Variants in CRACDL observed in about 807,000 individuals in gnomAD.
The protein encoded by CRACDL is CRACD like.
In CRACDL, 26 loss-of-function variants were observed where a neutral mutation model predicts 70.6. The ratio of observed to expected loss-of-function variants is 0.37; its 90% CI spans 0.27 to 0.51. CRACDL has a LOEUF of 0.51. Ranked by LOEUF, CRACDL falls within the 20% of genes least tolerant of loss-of-function variation. The pLI, the probability that CRACDL is intolerant of heterozygous loss-of-function variation, is 0.94. For synonymous variants in CRACDL, 618 were observed against 615.2 expected (o/e 1.00, Z -0.07); for missense variants, 1,283 against 1,376.9 (o/e 0.93, Z 1.08).
intron 7 of CRACDL, among the ~76,000 whole-genome samples, chr2:98,815,163 A>T (rs533139724): frequency 6.6e-5 from 10 of 152,248 alleles, no homozygotes; most frequent in African/African-American, 2.4e-4. Context: ...TAACATTTGA[A>T]TCCTCTCAGG....
intron 7 of CRACDL, among the ~76,000 whole-genome samples, chr2:98,821,645 T>G (rs1367302946): frequency 2.0e-5 from 3 of 152,244 alleles, no homozygotes; most frequent in Non-Finnish European, 4.4e-5. Flanking sequence ...CGAATTCATG[T>G]TGGGCCACAT....
At position 98,823,148 on chromosome 2, in the gene CRACDL, C is replaced by A; in HGVS notation, c.1125G>T (p.Ala375=). The A allele has an allele frequency of 6.4e-7, 1 of 1,554,426 alleles. No homozygotes were observed. Among genetic ancestry groups the A allele is most frequent in the Non-Finnish European group, 8.7e-7 (1 of 1,153,886 alleles). The stretch of plus-strand genomic sequence containing the variant: ...CCGGGGCACACGGGCCTGCGGGGGG[C>A]GCCTCCCCATCCTGCTTTCCGCCGT... ...GPDGGKQDGE[A]PPAGPCAPAT... is the part of the protein sequence containing the mutation. The change falls in exon 7 of 10, where the codon GCG becomes GCT. Residue 375 remains alanine (A), a synonymous_variant. Coordinates refer to ENST00000397899, the MANE Select transcript of CRACDL (RefSeq NM_207362.3). This position sits in a 1 kb window ranked among gnomAD's most constrained non-coding sequence, Gnocchi z 4.0.
chr2:98,901,907 C>A (rs966248834), intron 1 of CRACDL, among the ~76,000 whole-genome samples: 2 of 152,064 alleles, frequency 1.3e-5, no homozygotes, highest in Non-Finnish European at 1.5e-5. Context: ...CAAGAACTCG[C>A]GAGCCGGGCG....
intron 1 of CRACDL, among the ~76,000 whole-genome samples, chr2:98,912,411 G>A (rs376884314): frequency 6.6e-6 from 1 of 152,188 alleles, no homozygotes; most frequent in Admixed American, 6.5e-5. Flanking sequence ...TCTGCCACTC[G>A]ATCCCCAGGC....
At chr2:98,922,869 A>G (rs1165953245) in intron 1 of CRACDL, among the ~76,000 whole-genome samples, 3 of 152,238 alleles carry the variant, frequency 2.0e-5, no homozygotes, top group Non-Finnish European at 4.4e-5. Flanking sequence ...GCCGATGCTT[A>G]GGGTTACTTT....
At chr2:98,807,352 C>T (rs1704349594) in intron 7 of CRACDL, among the ~76,000 whole-genome samples, 1 of 152,236 alleles carries the variant, frequency 6.6e-6, no homozygotes, top group African/African-American at 2.4e-5. Context: ...CTTGGCACTG[C>T]TGACATTTTG....
At chr2:98,933,019 C>T (rs971867098) in intron 1 of CRACDL, among the ~76,000 whole-genome samples, 5 of 152,154 alleles carry the variant, frequency 3.3e-5, no homozygotes, top group Non-Finnish European at 5.9e-5. Context: ...CAGGGAAGGC[C>T]GAGCTCAGAA....
At chr2:98,849,205 C>T (rs1036396206) in intron 1 of CRACDL, among the ~76,000 whole-genome samples, 1 of 152,192 alleles carries the variant, frequency 6.6e-6, no homozygotes, top group South Asian at 2.1e-4. Flanking sequence ...GGAGGAGCCC[C>T]GAGAGATCAT....
intron 7 of CRACDL, among the ~76,000 whole-genome samples, chr2:98,806,011 G>A (rs753603680): frequency 5.9e-5 from 9 of 152,266 alleles, no homozygotes; most frequent in Admixed American, 1.3e-4. Flanking sequence ...CAGAGGGGCC[G>A]TCTTCCCCGG....
chr2:98,869,873 TC>T (rs1052892556), intron 1 of CRACDL, among the ~76,000 whole-genome samples: 2 of 152,170 alleles, frequency 1.3e-5, no homozygotes, highest in African/African-American at 4.8e-5. Flanking sequence ...TTCCCAATGC[TC>T]CTTTACCAGG....
intron 7 of CRACDL, among the ~76,000 whole-genome samples, chr2:98,803,503 C>T (rs1236037217): frequency 1.3e-5 from 2 of 152,160 alleles, no homozygotes; most frequent in African/African-American, 4.8e-5. Context: ...TAGAAGTACA[C>T]AAGCATATTG....
In CRACDL at chr2:98,843,333, C is replaced by T. The variant is rs570691580; in HGVS notation, c.70+3398G>A. The stretch of plus-strand genomic sequence containing the variant: ...AAGTGTGATTTATAAATATTTTCTT[C>T]TAGTCTGTGACTTGTCTTTTCATTT... On this transcript the variant is annotated intron_variant, in intron 2 of 9. Transcript: ENST00000397899. Among the ~76,000 whole-genome samples, 143 of 152,238 alleles carry T rather than the reference C, an allele frequency of 9.4e-4. No individual in the cohort carries two copies. The Middle Eastern group carries it at 0.01, about 11-fold the overall frequency.
chr2:98,808,444 C>T (rs1704413395), intron 7 of CRACDL, among the ~76,000 whole-genome samples: 1 of 152,240 alleles, frequency 6.6e-6, no homozygotes, highest in African/African-American at 2.4e-5. Context: ...GAGCTTCTGC[C>T]CAAAGAAACC....
chr2:98,901,759 C>T (rs1475511452), intron 1 of CRACDL, among the ~76,000 whole-genome samples: 2 of 152,124 alleles, frequency 1.3e-5, no homozygotes, highest in Admixed American at 6.5e-5. Context: ...AGTGAACCCC[C>T]CTGGGTGTGC....
chr2:98,809,055 C>G (rs1704441925), intron 7 of CRACDL, among the ~76,000 whole-genome samples: 1 of 152,224 alleles, frequency 6.6e-6, no homozygotes, highest in Admixed American at 6.5e-5. Context: ...CAGTCCTTCT[C>G]AGGTCCCAGC....
At position 98,822,729 on chromosome 2, in the gene CRACDL, A is replaced by G; in HGVS notation, c.1544T>C (p.Leu515Pro). The G allele has an allele frequency of 7.9e-7, 1 of 1,258,906 alleles. No homozygotes were observed. The highest frequency in any genetic ancestry group is 3.2e-5 in the South Asian group (1 of 31,214). 78.0% of individuals were successfully genotyped at this position (1,258,906 alleles called of 1,614,324 possible). The part of the protein sequence containing the change: ...ASEGPAASPP[L>P]AAAESPPVEP... ...CACCGGGGGAGACTCCGCAGCGGCA[A>G]GCGGCGGGGACGCGGCGGGGCCCTC... Residue 515 changes from leucine (L) to proline (P), a missense_variant, in exon 7 of 10, where the codon CTT becomes CCT. Physicochemically the swap from Leu to Pro is moderately conservative, Grantham distance 98. Transcript: ENST00000397899. This position sits in a 1 kb window ranked among gnomAD's most constrained non-coding sequence, Gnocchi z 4.9.
chr2:98,881,805 G>A (rs1045313497), intron 1 of CRACDL, among the ~76,000 whole-genome samples: 26 of 152,166 alleles, frequency 1.7e-4, no homozygotes, highest in African/African-American at 5.3e-4. Flanking sequence ...GCATCATGGC[G>A]GGGAGAGGAG....
At chr2:98,840,065 A>G (rs1386012343) in intron 2 of CRACDL, among the ~76,000 whole-genome samples, 1 of 151,800 alleles carries the variant, frequency 6.6e-6, no homozygotes, top group Non-Finnish European at 1.5e-5. Context: ...TTACTTTGCT[A>G]TTTTCTTAAA....
At chr2:98,897,912 G>A (rs1228079003) in intron 1 of CRACDL, among the ~76,000 whole-genome samples, 1 of 152,188 alleles carries the variant, frequency 6.6e-6, no homozygotes, top group Non-Finnish European at 1.5e-5. Flanking sequence ...GAGGTTCAGC[G>A]GCTGGCTTAT....
Sources: allele counts gnomAD v4.1 joint callset (sites outside exome capture counted in the v4.1 genomes callset), GRCh38; gene constraint gnomAD v4.1.1; non-coding constraint Gnocchi (gnomAD v3.1); transcripts MANE v1.5; gene names NCBI Gene and HGNC (gene_info 2026-07-23, HGNC 2026-07-21).